STK3: variants seen among roughly 807,000 people sequenced by gnomAD.
STK3 encodes serine/threonine kinase 3, also known as serine/threonine-protein kinase 3.
A neutral mutation model predicts 58.0 loss-of-function variants in STK3; 41 were observed. That is an observed-to-expected ratio of 0.71 (90% CI 0.55 to 0.92). STK3 has a LOEUF of 0.92. Ranked by LOEUF, STK3 falls within the 40% of genes least tolerant of loss-of-function variation. The probability of loss-of-function intolerance (pLI) is 0.00; values close to 1 mark genes in which losing one functional copy is unlikely to be tolerated. For synonymous variants in STK3, 170 were observed against 191.0 expected, an observed-to-expected ratio of 0.89 and a Z score of 0.91; for missense variants, 479 against 602.7, an observed-to-expected ratio of 0.79 and a Z score of 2.15.
chr8:98,595,743 G>C (rs753486854), intron 7 of STK3: 10 of 241,326 alleles, frequency 4.1e-5, no homozygotes, highest in Non-Finnish European at 7.3e-5. Flanking sequence ...AAAGTCAAAG[G>C]ATAAATGCTG....
the STK3 span, among the ~76,000 whole-genome samples, chr8:98,362,430 G>A: frequency 2.0e-5 from 3 of 152,194 alleles, no homozygotes; most frequent in East Asian, 1.9e-4. Context: ...GGCTGTGACC[G>A]CTCTGCTGGT....
chr8:98,347,523 A>ACAAAAAAAAC, the STK3 span, among the ~76,000 whole-genome samples: 3 of 142,148 alleles, frequency 2.1e-5, no homozygotes, highest in Non-Finnish European at 4.8e-5. Context: ...TCAAAAAAAA[A>ACAAAAAAAAC]CAAAAAAAAC....
chr8:98,413,386 T>G (rs1376223640), intron 3 of STK3: 3 of 541,750 alleles, frequency 5.5e-6, no homozygotes, highest in African/African-American at 1.9e-5. Context: ...ATATCTTGGA[T>G]CCTTGGCTAC....
chr8:98,395,123 A>G (rs1427645070), intron 3 of STK3, among the ~76,000 whole-genome samples: 1 of 152,188 alleles, frequency 6.6e-6, no homozygotes, highest in East Asian at 1.9e-4. Context: ...GTATTGCACA[A>G]ATATGAAATC....
chr8:98,544,088 T>C (rs1326406563), intron 9 of STK3, among the ~76,000 whole-genome samples: 2 of 151,522 alleles, frequency 1.3e-5, no homozygotes, highest in East Asian at 3.9e-4. Flanking sequence ...GTTTAGAACA[T>C]ACGAGAGTGG....
intron 1 of STK3, among the ~76,000 whole-genome samples, chr8:98,921,017 A>G (rs557827183): frequency 6.6e-6 from 1 of 152,324 alleles, no homozygotes; most frequent in South Asian, 2.1e-4. Flanking sequence ...AAGAATCCCT[A>G]TATCTATTTA....
intron 4 of STK3, among the ~76,000 whole-genome samples, chr8:98,737,985 C>G (rs1481536461): frequency 6.6e-6 from 1 of 152,170 alleles, no homozygotes; most frequent in African/African-American, 2.4e-5. Flanking sequence ...GCCAGGATTA[C>G]AGGCGTGAGC....
At chr8:98,470,143 G>A (rs1367099175) in intron 10 of STK3, among the ~76,000 whole-genome samples, 6 of 152,128 alleles carry the variant, frequency 3.9e-5, no homozygotes, top group Admixed American at 3.3e-4. Flanking sequence ...TACCAGAAAT[G>A]ATCAACTAAT....
intron 1 of STK3, among the ~76,000 whole-genome samples, chr8:98,777,683 A>G (rs1018921561): frequency 2.0e-5 from 3 of 152,212 alleles, no homozygotes; most frequent in Non-Finnish European, 4.4e-5. Context: ...ACGTCACTTT[A>G]TAACATCAAA....
intron 10 of STK3, among the ~76,000 whole-genome samples, chr8:98,476,175 C>A (rs921619332): frequency 6.6e-6 from 1 of 152,160 alleles, no homozygotes; most frequent in African/African-American, 2.4e-5. Flanking sequence ...CATATAATAT[C>A]CTCTGTTTTA....
At chr8:98,570,816 C>G (rs1812901935) in intron 8 of STK3, among the ~76,000 whole-genome samples, 1 of 152,204 alleles carries the variant, frequency 6.6e-6, no homozygotes, top group East Asian at 1.9e-4. Context: ...CATAACAACT[C>G]TATTTGCAGA....
chr8:98,456,251 G>A (rs1285816110), intron 10 of STK3, among the ~76,000 whole-genome samples: 7 of 152,156 alleles, frequency 4.6e-5, no homozygotes, highest in Admixed American at 4.6e-4. Flanking sequence ...TTAATAAAGG[G>A]CAAATGAGAA....
intron 1 of STK3, among the ~76,000 whole-genome samples, chr8:98,890,204 T>C (rs1265256475): frequency 6.6e-6 from 1 of 152,204 alleles, no homozygotes; most frequent in East Asian, 1.9e-4. Context: ...TGGAGTAAAA[T>C]GGGACACCTG....
chr8:98,933,259 C>T (rs1015426208), intron 1 of STK3, among the ~76,000 whole-genome samples: 2 of 152,054 alleles, frequency 1.3e-5, no homozygotes, highest in African/African-American at 4.8e-5. Context: ...TGTAATAACA[C>T]CCTAAAAAAG....
chr8:98,906,592 T>C (rs1404892915), intron 1 of STK3: 1 of 152,242 alleles, frequency 6.6e-6, no homozygotes, highest in African/African-American at 2.4e-5. Context: ...TGTTTAACTA[T>C]CTTCTTACAA....
chr8:98,767,115 C>T, intron 3 of STK3, 128 bp downstream of exon 3: 1 of 1,159,762 alleles, frequency 8.6e-7, no homozygotes, highest in East Asian at 2.8e-5. Flanking sequence ...CGGCAAAACC[C>T]TGTCTCAAAA....
At chr8:98,878,668 C>T (rs897414840) in intron 3 of STK3, among the ~76,000 whole-genome samples, 4 of 152,142 alleles carry the variant, frequency 2.6e-5, no homozygotes, top group African/African-American at 9.7e-5. Context: ...AACACCTTCC[C>T]CTTTCTTGTC....
intron 7 of STK3, among the ~76,000 whole-genome samples, chr8:98,589,779 G>C (rs559096809): frequency 7.9e-5 from 12 of 152,356 alleles, no homozygotes; most frequent in South Asian, 2.1e-4. Context: ...CTCTGAGCCA[G>C]GTGCGGGATA....
intron 7 of STK3, among the ~76,000 whole-genome samples, chr8:98,589,982 A>G (rs1368437383): frequency 2.0e-5 from 3 of 151,998 alleles, no homozygotes; most frequent in Non-Finnish European, 4.4e-5. Context: ...GCACCCACTG[A>G]CCTGCGCCCA....
Sources: gnomAD v4.1 joint callset for allele counts (sites outside exome capture counted in the v4.1 genomes callset) on GRCh38, gnomAD v4.1.1 for gene constraint, MANE v1.5 for transcripts, NCBI Gene and HGNC (gene_info 2026-07-23, HGNC 2026-07-21) for gene names.